ZNF804B: variants seen among roughly 807,000 people sequenced by gnomAD.
ZNF804B encodes the protein zinc finger 804B.
A neutral mutation model predicts 101.4 loss-of-function variants in ZNF804B; 80 were observed. The observed-to-expected ratio is 0.79, with a 90% CI of 0.66 to 0.95. The LOEUF (loss-of-function observed/expected upper bound fraction) is 0.95. ZNF804B is among the 40% of genes least tolerant of loss of function. ZNF804B has a pLI of 0.00. For synonymous variants in ZNF804B, 622 were observed against 558.8 expected, an observed-to-expected ratio of 1.11 and a Z score of -1.59; for missense variants, 1,673 against 1,561.9, an observed-to-expected ratio of 1.07 and a Z score of -1.20.
intron 1 of ZNF804B, among the ~76,000 whole-genome samples, chr7:89,070,086 G>A (rs1353710656): frequency 6.6e-6 from 1 of 152,126 alleles, no homozygotes; most frequent in Non-Finnish European, 1.5e-5. Context: ...CAAACACCCA[G>A]ACAATTAACA....
At chr7:89,215,885 AAATAAATAAATAAATAAAT>A (rs1788886600) in intron 1 of ZNF804B, among the ~76,000 whole-genome samples, 2 of 135,128 alleles carry the variant, frequency 1.5e-5, no homozygotes, top group African/African-American at 2.6e-5. Flanking sequence ...CTCCGTCTCT[AAATAAATAAATAAATAAAT>A]AAATAAATAA....
At chr7:88,878,433 A>G in intron 1 of ZNF804B, among the ~76,000 whole-genome samples, 1 of 152,140 alleles carries the variant, frequency 6.6e-6, no homozygotes, top group East Asian at 1.9e-4. Context: ...TTTTAATTTT[A>G]TAGAGGATAG....
chr7:88,839,536 A>G (rs965663873), intron 1 of ZNF804B, among the ~76,000 whole-genome samples: 2 of 152,052 alleles, frequency 1.3e-5, no homozygotes, highest in Non-Finnish European at 2.9e-5. Context: ...AAAGCTAACT[A>G]CTTTGACTTT....
chr7:89,055,611 G>T (rs78336880), intron 1 of ZNF804B, among the ~76,000 whole-genome samples: 2,412 of 152,128 alleles, frequency 0.016, 52 homozygotes, highest in African/African-American at 0.054. Flanking sequence ...TAAGCAGTTA[G>T]AAGTGGGGGA....
At chr7:88,864,124 A>G (rs1179587662) in intron 1 of ZNF804B, among the ~76,000 whole-genome samples, 2 of 151,812 alleles carry the variant, frequency 1.3e-5, no homozygotes, top group Non-Finnish European at 2.9e-5. Context: ...GCCTTCATAT[A>G]TTTTTTCTTA....
intron 1 of ZNF804B, among the ~76,000 whole-genome samples, chr7:89,127,107 A>G (rs1790485701): frequency 2.0e-5 from 3 of 151,982 alleles, no homozygotes; most frequent in Admixed American, 6.6e-5. Flanking sequence ...GCCAAAGACA[A>G]ACATCCTCTG....
chr7:89,179,001 C>A (rs1788250271), intron 1 of ZNF804B, among the ~76,000 whole-genome samples: 1 of 152,120 alleles, frequency 6.6e-6, no homozygotes, highest in Non-Finnish European at 1.5e-5. Flanking sequence ...ACTCTCCTAA[C>A]CTGTAAGGTT....
intron 2 of ZNF804B, among the ~76,000 whole-genome samples, chr7:89,272,073 A>G (rs1179975816): frequency 2.0e-5 from 3 of 152,022 alleles, no homozygotes; most frequent in Non-Finnish European, 4.4e-5. Flanking sequence ...TTTTTTCTCA[A>G]TAGTCTTGCA....
At chr7:88,985,575 T>C (rs1207339012) in intron 1 of ZNF804B, among the ~76,000 whole-genome samples, 1 of 152,070 alleles carries the variant, frequency 6.6e-6, no homozygotes, top group Non-Finnish European at 1.5e-5. Context: ...CGTAGTCAGC[T>C]CACCTATTTG....
chr7:88,815,274 G>C (rs7789358), intron 1 of ZNF804B, among the ~76,000 whole-genome samples: 65,078 of 148,038 alleles, frequency 0.44, 15,126 homozygotes, highest in East Asian at 0.79. Flanking sequence ...CTATCCATAT[G>C]ATTCTGTAGA....
intron 2 of ZNF804B, among the ~76,000 whole-genome samples, chr7:89,317,796 G>T (rs1221900069): frequency 6.6e-6 from 1 of 152,176 alleles, no homozygotes; most frequent in Non-Finnish European, 1.5e-5. Flanking sequence ...ACTCTCAGCT[G>T]CTCTGCTCTG....
Position 88,929,620 on chromosome 7 carries a change from A to G in ZNF804B, c.108+169536A>G, listed in dbSNP as rs550732860. Among the ~76,000 whole-genome samples, 5 of 152,010 alleles carry G rather than the reference A, an allele frequency of 3.3e-5. No individual in the cohort carries two copies. The East Asian group carries it at 9.7e-4, about 29-fold the overall frequency. The stretch of plus-strand genomic sequence containing the variant: ...GTCACTTTCTCTGTATGTTCTTAAA[A>G]TTTTCAGTCTCCTCTAGTGATAGTA... On this transcript the variant is annotated intron_variant, in intron 1 of 3. Coordinates refer to ENST00000333190, the MANE Select transcript of ZNF804B (RefSeq NM_181646.5).
At chr7:88,860,801 G>A (rs1791633666) in intron 1 of ZNF804B, among the ~76,000 whole-genome samples, 2 of 152,152 alleles carry the variant, frequency 1.3e-5, no homozygotes, top group South Asian at 4.1e-4. Flanking sequence ...TTTGTTTAAA[G>A]CAGTGTACCT....
intron 1 of ZNF804B, among the ~76,000 whole-genome samples, chr7:89,035,419 GA>G (rs35556403): frequency 0.3 from 44,995 of 151,778 alleles, 7,020 homozygotes; most frequent in East Asian, 0.52. Flanking sequence ...ATTAGAATAA[GA>G]AAATGGTGTA....
At position 89,336,908 on chromosome 7, in the gene ZNF804B, A is replaced by G. The variant is rs1430791516; in HGVS notation, c.3926A>G (p.His1309Arg). ...HLNPATTSII[H>R]LNPLIQPVFQ... is the part of the protein sequence containing the mutation. Reference sequence around the variant, plus strand: ...AATCCAGCCACAACTTCTATCATCCACTTGAATCCTTTAATCCAACCAGTA... The same window carrying G: ...AATCCAGCCACAACTTCTATCATCCGCTTGAATCCTTTAATCCAACCAGTA... Residue 1309 changes from histidine to arginine, a missense_variant, in exon 4 of 4, where the codon CAC (histidine) becomes CGC (arginine). Transcript: ENST00000333190. 5.6e-6 allele frequency: 9 copies of G among 1,613,986 alleles called. No individual in the cohort carries two copies. The highest frequency in any genetic ancestry group is 6.8e-6 in the Non-Finnish European group (8 of 1,179,982).
chr7:88,908,577 A>G lies in ZNF804B; in HGVS notation c.108+148493A>G, dbSNP rs564386015. ...CAAAGAATATTTGCAAGAACTTGAG[A>G]GAATCTTCCCAGTGTTTTTTTAAAA... is the stretch of plus-strand genomic sequence containing the variant. On this transcript the variant is annotated intron_variant, in intron 1 of 3. Transcript: ENST00000333190. Among the ~76,000 whole-genome samples the G allele has an allele frequency of 2.0e-5, 3 of 151,900 alleles. No homozygotes were observed. In the South Asian group the frequency reaches 6.2e-4, roughly 31 times the overall value.
chr7:88,905,134 C>T (rs572526245), intron 1 of ZNF804B, among the ~76,000 whole-genome samples: 24 of 152,150 alleles, frequency 1.6e-4, no homozygotes, highest in African/African-American at 5.5e-4. Flanking sequence ...TGACACCTAG[C>T]CTGTTAAGGG....
intron 1 of ZNF804B, among the ~76,000 whole-genome samples, chr7:88,760,806 C>A (rs1789883246): frequency 6.7e-6 from 1 of 149,708 alleles, no homozygotes; most frequent in South Asian, 2.1e-4. Context: ...TAATTCATTT[C>A]TTGGTACATG....
chr7:89,245,317 T>C (rs1789427031), intron 2 of ZNF804B, among the ~76,000 whole-genome samples: 1 of 152,116 alleles, frequency 6.6e-6, no homozygotes, highest in African/African-American at 2.4e-5. Context: ...TAATAAGCTG[T>C]GGCCTAAAAA....
Sources: gnomAD v4.1 joint callset for allele counts (sites outside exome capture counted in the v4.1 genomes callset) on GRCh38, gnomAD v4.1.1 for gene constraint, MANE v1.5 for transcripts, NCBI Gene and HGNC (gene_info 2026-07-23, HGNC 2026-07-21) for gene names.